The following HIKESHI variants were observed in gnomAD, a reference collection of about 807,000 sequenced individuals.
The protein encoded by HIKESHI is heat shock protein nuclear import factor hikeshi, also known as protein Hikeshi.
In HIKESHI, 13 loss-of-function variants were observed where a neutral mutation model predicts 25.7. That is an observed-to-expected ratio of 0.51 (90% CI 0.33 to 0.80). HIKESHI has a LOEUF of 0.80. Among genes scored for constraint, HIKESHI ranks in the 30% least tolerant of loss-of-function variants. The pLI, the probability that HIKESHI is intolerant of heterozygous loss-of-function variation, is 0.02. For synonymous variants in HIKESHI, 76 were observed against 78.7 expected, an observed-to-expected ratio of 0.97 and a Z score of 0.18; for missense variants, 174 against 229.5, an observed-to-expected ratio of 0.76 and a Z score of 1.56.
chr11:86,340,781 A>G (rs1226287126), intron 3 of HIKESHI, among the ~76,000 whole-genome samples: 2 of 152,094 alleles, frequency 1.3e-5, no homozygotes, highest in Non-Finnish European at 2.9e-5. Flanking sequence ...AGTAGCTGGG[A>G]TTACAGGCGC....
chr11:86,330,511 C>T (rs1318379976), intron 2 of HIKESHI, among the ~76,000 whole-genome samples: 3 of 152,162 alleles, frequency 2.0e-5, no homozygotes, highest in African/African-American at 2.4e-5. Flanking sequence ...CTAGAATTTG[C>T]ACATCCTTCA....
At chr11:86,326,552 C>G (rs1947287376) in intron 2 of HIKESHI, 3 of 456,202 alleles carry the variant, frequency 6.6e-6, no homozygotes, top group Non-Finnish European at 1.3e-5. Flanking sequence ...CTTTCAACAT[C>G]TGCATGTGTG....
intron 1 of HIKESHI, 81 bp downstream of exon 1, chr11:86,302,559 C>G (rs1481020235): frequency 1.3e-6 from 2 of 1,488,360 alleles, no homozygotes; most frequent in Non-Finnish European, 1.8e-6. Flanking sequence ...TGCGCAGGCG[C>G]TAGGGATGCG....
At chr11:86,308,978 A>G (rs1946759759) in intron 2 of HIKESHI, among the ~76,000 whole-genome samples, 3 of 151,414 alleles carry the variant, frequency 2.0e-5, no homozygotes, top group Middle Eastern at 3.4e-3. Context: ...ATTGATGGAC[A>G]TTTGGGTTAG....
chr11:86,340,352 G>C (rs1267441076), intron 3 of HIKESHI, among the ~76,000 whole-genome samples: 1 of 152,180 alleles, frequency 6.6e-6, no homozygotes, highest in Non-Finnish European at 1.5e-5. Flanking sequence ...GGTTGAACTA[G>C]TTTATACGCC....
intron 3 of HIKESHI, 101 bp downstream of exon 3, chr11:86,337,631 T>TG (rs1947606274): frequency 8.4e-7 from 1 of 1,193,202 alleles, no homozygotes; most frequent in African/African-American, 1.6e-5. Flanking sequence ...AATGTGATGT[T>TG]TTTGATACAT....
chr11:86,317,731 G>A (rs1947026769), intron 2 of HIKESHI, among the ~76,000 whole-genome samples: 1 of 151,630 alleles, frequency 6.6e-6, no homozygotes, highest in South Asian at 2.1e-4. Context: ...CTTGAGCCAG[G>A]GAGGCAGAGG....
At chr11:86,341,124 T>C (rs752295790) in intron 3 of HIKESHI, among the ~76,000 whole-genome samples, 19 of 152,246 alleles carry the variant, frequency 1.2e-4, no homozygotes, top group Admixed American at 2.0e-4. Context: ...TTTTCTGTTA[T>C]AGATGTTTTC....
At chr11:86,342,325 C>G (rs1473242326) in intron 3 of HIKESHI, among the ~76,000 whole-genome samples, 1 of 152,128 alleles carries the variant, frequency 6.6e-6, no homozygotes, top group East Asian at 1.9e-4. Context: ...TGGTGCTTGT[C>G]TTTTAACATT....
chr11:86,314,479 G>A (rs1379824369), intron 2 of HIKESHI, among the ~76,000 whole-genome samples: 2 of 152,144 alleles, frequency 1.3e-5, no homozygotes, highest in Non-Finnish European at 2.9e-5. Flanking sequence ...GCCAGGCATG[G>A]TGGCATGTGC....
At chr11:86,317,748 T>G (rs1282676907) in intron 2 of HIKESHI, among the ~76,000 whole-genome samples, 2 of 151,696 alleles carry the variant, frequency 1.3e-5, no homozygotes, top group Non-Finnish European at 2.9e-5. Flanking sequence ...GAGGTTGCAG[T>G]GAGCCGACAT....
intron 2 of HIKESHI, among the ~76,000 whole-genome samples, chr11:86,319,238 A>ATT (rs1246298090): frequency 0.024 from 1,949 of 82,714 alleles, 43 homozygotes; most frequent in African/African-American, 0.072. Flanking sequence ...ATATATATAT[A>ATT]TATATTTTTT....
At chr11:86,316,437 G>A (rs780565831) in intron 2 of HIKESHI, among the ~76,000 whole-genome samples, 2 of 152,014 alleles carry the variant, frequency 1.3e-5, no homozygotes, top group South Asian at 2.1e-4. Flanking sequence ...GCTTGAACTC[G>A]GGAGGTGGAG....
intron 3 of HIKESHI, among the ~76,000 whole-genome samples, chr11:86,340,657 T>C (rs1947699645): frequency 6.6e-6 from 1 of 152,124 alleles, no homozygotes; most frequent in Non-Finnish European, 1.5e-5. Context: ...AGTCAAATAG[T>C]TTTTTTGAGA....
chr11:86,307,798 AT>A (rs1946687587), intron 2 of HIKESHI, among the ~76,000 whole-genome samples: 1 of 122,094 alleles, frequency 8.2e-6, no homozygotes, highest in African/African-American at 3.3e-5. Context: ...TGTAATATAC[AT>A]TATATAAAAT....
chr11:86,312,020 G>A (rs1946847516), intron 2 of HIKESHI, among the ~76,000 whole-genome samples: 2 of 152,284 alleles, frequency 1.3e-5, no homozygotes, highest in Admixed American at 1.3e-4. Flanking sequence ...GTGGTGCTGA[G>A]AAGAATGTAT....
intron 2 of HIKESHI, among the ~76,000 whole-genome samples, chr11:86,310,958 G>C (rs868711923): frequency 3.9e-5 from 6 of 152,144 alleles, no homozygotes; most frequent in African/African-American, 1.4e-4. Flanking sequence ...GCTGGATTCG[G>C]TTTGCCAGTA....
rs927343957 is a variant in HIKESHI, at chr11:86,304,625, C to T, written c.31-1620C>T. 9.3e-5 allele frequency among the ~76,000 whole-genome samples: 14 copies of T among 150,618 alleles called. 1 individual carries two copies. The highest frequency in any genetic ancestry group is 3.4e-4 in the African/African-American group (14 of 40,928). On this transcript the variant is annotated intron_variant, in intron 1 of 4. Coordinates refer to ENST00000278483, the MANE Select transcript of HIKESHI (RefSeq NM_016401.4). Reference sequence around the variant, plus strand: ...TCCGCCTCCAGGTTCAAGCAATTCTCATGCCTCAGCCTCCTGAGTAGCTGA... The same window carrying T: ...TCCGCCTCCAGGTTCAAGCAATTCTTATGCCTCAGCCTCCTGAGTAGCTGA...
At chr11:86,312,384 C>T (rs1429244325) in intron 2 of HIKESHI, among the ~76,000 whole-genome samples, 1 of 152,018 alleles carries the variant, frequency 6.6e-6, no homozygotes, top group Non-Finnish European at 1.5e-5. Flanking sequence ...GATTGCAACC[C>T]CTGCCTTTTT....
Sources: gnomAD v4.1 joint callset for allele counts (sites outside exome capture counted in the v4.1 genomes callset) on GRCh38, gnomAD v4.1.1 for gene constraint, MANE v1.5 for transcripts, NCBI Gene and HGNC (gene_info 2026-07-23, HGNC 2026-07-21) for gene names.